Variants in FOXP2 observed in about 807,000 individuals in gnomAD.
The protein encoded by FOXP2 is forkhead box P2.
In FOXP2, 12 loss-of-function variants were observed where a neutral mutation model predicts 115.8. The observed-to-expected ratio is 0.10, with a 90% confidence interval of 0.07 to 0.17. The LOEUF is 0.17. Ranked by LOEUF, FOXP2 falls within the 10% of genes least tolerant of loss-of-function variation. The probability of loss-of-function intolerance (pLI) is 1.00; values close to 1 mark genes in which losing one functional copy is unlikely to be tolerated. For missense variants in FOXP2, 629 were observed against 843.5 expected, an observed-to-expected ratio of 0.75 and a Z score of 3.15; for synonymous variants, 328 against 297.7, an observed-to-expected ratio of 1.10 and a Z score of -1.05.
chr7:114,175,243 TTACTCGTTAAGTCCAC>T (rs1483177920), intron 1 of FOXP2, among the ~76,000 whole-genome samples: 1 of 152,144 alleles, frequency 6.6e-6, no homozygotes, highest in Non-Finnish European at 1.5e-5. Context: ...CCAAATCTAC[TTACTCGTTAAGTCCAC>T]TTATGTGTTA....
chr7:114,504,298 T>G (rs1797710244), intron 2 of FOXP2, among the ~76,000 whole-genome samples: 1 of 151,654 alleles, frequency 6.6e-6, no homozygotes, highest in African/African-American at 2.4e-5. Context: ...CCATTTGCCC[T>G]ACTTACAATG....
chr7:114,420,491 A>T (rs984276363), intron 1 of FOXP2, among the ~76,000 whole-genome samples: 2 of 151,962 alleles, frequency 1.3e-5, no homozygotes, highest in Non-Finnish European at 2.9e-5. Context: ...GGCAAAGACA[A>T]GAAAATCTGT....
chr7:114,158,108 G>A (rs1156489690), upstream of FOXP2, among the ~76,000 whole-genome samples: 1 of 151,984 alleles, frequency 6.6e-6, no homozygotes, highest in Non-Finnish European at 1.5e-5. Flanking sequence ...AGCAAAAGAG[G>A]ATGAAAAATT....
chr7:114,548,868 T>C (rs1412426590), intron 3 of FOXP2, among the ~76,000 whole-genome samples: 5 of 152,156 alleles, frequency 3.3e-5, no homozygotes, highest in Non-Finnish European at 7.4e-5. Context: ...AGCAAATGTT[T>C]TTTGAAGGGT....
At chr7:114,277,232 T>C (rs1300167929) in intron 1 of FOXP2, among the ~76,000 whole-genome samples, 1 of 152,172 alleles carries the variant, frequency 6.6e-6, no homozygotes, top group East Asian at 1.9e-4. Context: ...AATTTTATTA[T>C]TTTTGTTTTT....
In FOXP2 at chr7:114,689,847, T is replaced by C; in HGVS notation, c.2069T>C (p.Val690Ala). 1 of 1,613,540 alleles carries C rather than the reference T, an allele frequency of 6.2e-7. No homozygotes were observed. Among genetic ancestry groups the C allele is most frequent in the Non-Finnish European group, 8.5e-7 (1 of 1,179,602 alleles). Residue 690 changes from valine to alanine, a missense_variant, in exon 17 of 17, where the codon GTG becomes GCG. Val to Ala is a moderately conservative substitution (Grantham distance 64). This residue lies in a region of FOXP2 where 117 missense variants were observed against 112.3 expected (regional missense o/e 1.04). Transcript: ENST00000350908. ...AEDEDCPMSL[V>A]TTANHSPELE... The stretch of plus-strand genomic sequence containing the variant: ...GATGAAGACTGCCCAATGTCCTTAG[T>C]GACAACAGCTAATCACAGTCCAGAA...
At chr7:114,329,263 A>T (rs994193520) in intron 2 of FOXP2, among the ~76,000 whole-genome samples, 6 of 152,184 alleles carry the variant, frequency 3.9e-5, no homozygotes, top group Non-Finnish European at 8.8e-5. Context: ...CACGCCTGTA[A>T]TCCCAGCACT....
chr7:114,227,494 A>G (rs1260797473), intron 1 of FOXP2, among the ~76,000 whole-genome samples: 2 of 152,036 alleles, frequency 1.3e-5, no homozygotes, highest in Non-Finnish European at 2.9e-5. Flanking sequence ...TATTGCTTGC[A>G]GTTGTAATTC....
At chr7:114,281,194 C>T (rs897419592) in intron 1 of FOXP2, among the ~76,000 whole-genome samples, 30 of 150,854 alleles carry the variant, frequency 2.0e-4, no homozygotes, top group Admixed American at 1.8e-3. Context: ...CTCCCCCTCC[C>T]GGGTTTAAGC....
At chr7:114,610,758 C>G (rs148513557) in intron 3 of FOXP2, among the ~76,000 whole-genome samples, 47 of 151,584 alleles carry the variant, frequency 3.1e-4, no homozygotes, top group African/African-American at 1.0e-3. Flanking sequence ...CCTCAGCCTC[C>G]CAAATATCTG....
intron 2 of FOXP2, among the ~76,000 whole-genome samples, chr7:114,469,063 G>A (rs1021363909): frequency 3.8e-4 from 58 of 152,086 alleles, no homozygotes; most frequent in African/African-American, 1.3e-3. Context: ...TGGCACTCTC[G>A]TGGCCTGTGA....
intron 9 of FOXP2, 140 bp from the exon 10 acceptor site, chr7:114,653,786 A>G: frequency 1.1e-6 from 1 of 907,928 alleles, no homozygotes. Context: ...ATTTCCTCCC[A>G]GATAAGTTCC....
chr7:114,651,923 T>A (rs1368089002), intron 8 of FOXP2, among the ~76,000 whole-genome samples: 1 of 152,196 alleles, frequency 6.6e-6, no homozygotes, highest in African/African-American at 2.4e-5. Context: ...ATATGACTTC[T>A]ACTATAACTC....
At chr7:114,680,750 A>C (rs1046439313) in intron 16 of FOXP2, among the ~76,000 whole-genome samples, 1 of 152,104 alleles carries the variant, frequency 6.6e-6, no homozygotes, top group African/African-American at 2.4e-5. Flanking sequence ...CATCTAAAAA[A>C]AAAAAAAAAA....
chr7:114,430,593 A>G (rs970959794), intron 2 of FOXP2, among the ~76,000 whole-genome samples: 1 of 151,786 alleles, frequency 6.6e-6, no homozygotes, highest in African/African-American at 2.4e-5. Flanking sequence ...TTATCACACT[A>G]CAATATTAAT....
At chr7:114,430,853 G>A (rs1794074798) in intron 2 of FOXP2, among the ~76,000 whole-genome samples, 1 of 151,686 alleles carries the variant, frequency 6.6e-6, no homozygotes, top group South Asian at 2.1e-4. Context: ...AAAATACTAG[G>A]TGTTTCTAGG....
chr7:114,512,331 A>C (rs1798117511), intron 2 of FOXP2, among the ~76,000 whole-genome samples: 1 of 152,200 alleles, frequency 6.6e-6, no homozygotes, highest in Admixed American at 6.6e-5. Context: ...CATTGATAAG[A>C]AATTTGTGTT....
intron 2 of FOXP2, among the ~76,000 whole-genome samples, chr7:114,337,286 G>A (rs192301361): frequency 5.2e-4 from 78 of 151,358 alleles, no homozygotes; most frequent in Middle Eastern, 3.4e-3. Flanking sequence ...TGTGCAGTAC[G>A]TAGCAGGTAT....
intron 1 of FOXP2, among the ~76,000 whole-genome samples, chr7:114,416,773 G>T (rs1793365717): frequency 6.6e-6 from 1 of 151,940 alleles, no homozygotes; most frequent in African/African-American, 2.4e-5. Context: ...ATGTGGAGAG[G>T]TTTAATGATT....
Sources: gnomAD v4.1 joint callset for allele counts (sites outside exome capture counted in the v4.1 genomes callset) on GRCh38, gnomAD v4.1.1 for gene constraint, gnomAD v4.1.1 regional missense constraint, MANE v1.5 for transcripts, NCBI Gene and HGNC (gene_info 2026-07-23, HGNC 2026-07-21) for gene names.